The following RARB variants were observed in gnomAD, a reference collection of about 807,000 sequenced individuals.
RARB encodes retinoic acid receptor beta.
A neutral mutation model predicts 51.9 loss-of-function variants in RARB; 17 were observed. The observed-to-expected ratio is 0.33, with a 90% CI of 0.22 to 0.49. RARB has a LOEUF of 0.49. Ranked by LOEUF, RARB falls within the 20% of genes least tolerant of loss-of-function variation. The pLI is 0.99. For synonymous variants in RARB, 215 were observed against 195.4 expected, an observed-to-expected ratio of 1.10 and a Z score of -0.84; for missense variants, 369 against 550.8, an observed-to-expected ratio of 0.67 and a Z score of 3.30.
intron 5 of RARB, among the ~76,000 whole-genome samples, chr3:25,585,143 A>G (rs1701334987): frequency 6.6e-6 from 1 of 152,178 alleles, no homozygotes; most frequent in Non-Finnish European, 1.5e-5. Flanking sequence ...CGTATTTACA[A>G]TGAAGATGGC....
At chr3:25,493,663 G>C (rs1696861379) in intron 2 of RARB, among the ~76,000 whole-genome samples, 2 of 152,174 alleles carry the variant, frequency 1.3e-5, no homozygotes, top group Non-Finnish European at 2.9e-5. Flanking sequence ...TTATCCTTTT[G>C]AACTTTGCAT....
At chr3:25,333,189 AT>A (rs1323811389) in intron 5 of RARB, among the ~76,000 whole-genome samples, 1 of 152,078 alleles carries the variant, frequency 6.6e-6, no homozygotes, top group Non-Finnish European at 1.5e-5. Flanking sequence ...TAAAGTTCAT[AT>A]GGAACCAAAA....
At chr3:25,164,174 T>A (rs563969251) in intron 4 of RARB, among the ~76,000 whole-genome samples, 1 of 152,282 alleles carries the variant, frequency 6.6e-6, no homozygotes, top group South Asian at 2.1e-4. Context: ...TATTATATCT[T>A]TGACCTCAGC....
At chr3:24,912,415 G>T (rs1695008696) in intron 2 of RARB, among the ~76,000 whole-genome samples, 1 of 140,058 alleles carries the variant, frequency 7.1e-6, no homozygotes, top group African/African-American at 2.9e-5. Flanking sequence ...CTGGTACACA[G>T]TAAAATCTCA....
intron 5 of RARB, among the ~76,000 whole-genome samples, chr3:25,202,763 C>A (rs1701428973): frequency 6.6e-6 from 1 of 152,180 alleles, no homozygotes; most frequent in African/African-American, 2.4e-5. Context: ...GTTTCTTAAT[C>A]CTGAGTTCTA....
chr3:25,322,162 G>C (rs532728124), intron 5 of RARB, among the ~76,000 whole-genome samples: 1 of 149,390 alleles, frequency 6.7e-6, no homozygotes, highest in South Asian at 2.1e-4. Flanking sequence ...TTTGGTATAT[G>C]AGGTGGGCAT....
chr3:25,240,040 T>G (rs1575246861), intron 5 of RARB, among the ~76,000 whole-genome samples: 1 of 150,604 alleles, frequency 6.6e-6, no homozygotes, highest in African/African-American at 2.5e-5. Flanking sequence ...TTGTTGGTGT[T>G]TGTTTGTTTT....
At chr3:25,268,436 C>T (rs1412368298) in intron 5 of RARB, among the ~76,000 whole-genome samples, 1 of 151,404 alleles carries the variant, frequency 6.6e-6, no homozygotes, top group African/African-American at 2.4e-5. Context: ...AAAAGTGGAT[C>T]TGTGTTTTTC....
intron 2 of RARB, among the ~76,000 whole-genome samples, chr3:25,466,068 C>G (rs988306785): frequency 1.3e-5 from 2 of 152,136 alleles, no homozygotes; most frequent in Non-Finnish European, 2.9e-5. Flanking sequence ...TATTACCTAC[C>G]TCATGGTATT....
chr3:24,933,887 A>G (rs1695492374), intron 2 of RARB, among the ~76,000 whole-genome samples: 1 of 152,206 alleles, frequency 6.6e-6, no homozygotes, highest in African/African-American at 2.4e-5. Context: ...GTTCAAGTAT[A>G]CATACAAATA....
At chr3:25,550,888 C>G (rs760768208) in intron 3 of RARB, among the ~76,000 whole-genome samples, 14 of 152,152 alleles carry the variant, frequency 9.2e-5, no homozygotes, top group Non-Finnish European at 1.8e-4. Context: ...TGGCTTTCAG[C>G]TCTATCCATG....
intron 2 of RARB, among the ~76,000 whole-genome samples, chr3:25,047,319 A>C (rs1002935870): frequency 5.3e-5 from 8 of 152,178 alleles, no homozygotes; most frequent in Non-Finnish European, 1.2e-4. Context: ...AAAACCCTTC[A>C]GATTGTTTTT....
chr3:24,909,919 T>C (rs967677718), intron 2 of RARB, among the ~76,000 whole-genome samples: 1 of 152,158 alleles, frequency 6.6e-6, no homozygotes, highest in Non-Finnish European at 1.5e-5. Context: ...GTATTTATTC[T>C]CCACAGTAAA....
chr3:25,230,915 A>G (rs770631289), intron 5 of RARB, among the ~76,000 whole-genome samples: 1 of 152,204 alleles, frequency 6.6e-6, no homozygotes, highest in Non-Finnish European at 1.5e-5. Flanking sequence ...ATTAGACAAC[A>G]CAAATCTAGT....
chr3:25,004,980 T>C (rs534944944), intron 2 of RARB, among the ~76,000 whole-genome samples: 1 of 152,294 alleles, frequency 6.6e-6, no homozygotes, highest in South Asian at 2.1e-4. Flanking sequence ...TTCGTTTTGC[T>C]AGTCTTGTAG....
At chr3:25,203,203 T>C (rs1482137543) in intron 5 of RARB, among the ~76,000 whole-genome samples, 2 of 152,200 alleles carry the variant, frequency 1.3e-5, no homozygotes, top group Admixed American at 1.3e-4. Context: ...CTTTGTCTCT[T>C]TTGATCTTTG....
chr3:24,945,001 G>A (rs1695743995), intron 2 of RARB, among the ~76,000 whole-genome samples: 1 of 152,218 alleles, frequency 6.6e-6, no homozygotes. Flanking sequence ...ATACACGTGT[G>A]TGAACATGTG....
chr3:25,377,389 G>A (rs1379822250), intron 5 of RARB, among the ~76,000 whole-genome samples: 2 of 152,172 alleles, frequency 1.3e-5, no homozygotes, highest in African/African-American at 2.4e-5. Context: ...ACATGTGCAG[G>A]TCTAATAAAC....
intron 1 of RARB, among the ~76,000 whole-genome samples, chr3:25,455,354 A>G (rs1368266): frequency 0.062 from 9,354 of 150,822 alleles, 718 homozygotes; most frequent in African/African-American, 0.19. Context: ...GTGCTTCACC[A>G]TTGATAGTCT....
Sources: gnomAD v4.1 joint callset for allele counts (sites outside exome capture counted in the v4.1 genomes callset) on GRCh38, gnomAD v4.1.1 for gene constraint, MANE v1.5 for transcripts, NCBI Gene and HGNC (gene_info 2026-07-23, HGNC 2026-07-21) for gene names.